The following FMN2 variants were observed in gnomAD, a reference collection of about 807,000 sequenced individuals.
FMN2 encodes the protein formin-2.
FMN2 carries 51 observed loss-of-function variants against 142.3 expected under a neutral mutation model. That is an observed-to-expected ratio of 0.36 (90% CI 0.29 to 0.45). The LOEUF is 0.45. Ranked by LOEUF, FMN2 falls within the 20% of genes least tolerant of loss-of-function variation. The probability of loss-of-function intolerance (pLI) is 1.00; values close to 1 mark genes in which losing one functional copy is unlikely to be tolerated. For missense variants in FMN2, 1,936 were observed against 2,122.8 expected (o/e 0.91, Z 1.73); for synonymous variants, 882 against 869.8 (o/e 1.01, Z -0.25).
At chr1:240,252,541 G>T (rs1355118902) in intron 6 of FMN2, among the ~76,000 whole-genome samples, 3 of 135,050 alleles carry the variant, frequency 2.2e-5, no homozygotes, top group African/African-American at 5.5e-5. Flanking sequence ...AGTATCTTGG[G>T]CTGGCAGTTT....
chr1:240,359,432 T>C (rs1469502425), intron 14 of FMN2, among the ~76,000 whole-genome samples: 1 of 152,210 alleles, frequency 6.6e-6, no homozygotes, highest in African/African-American at 2.4e-5. Context: ...CAAGAAGCTA[T>C]GCCCAACACT....
intron 6 of FMN2, among the ~76,000 whole-genome samples, chr1:240,227,441 A>G (rs1217469658): frequency 2.6e-5 from 4 of 152,150 alleles, no homozygotes; most frequent in African/African-American, 9.7e-5. Context: ...TTTTTTTAGC[A>G]AAATAGACAA....
chr1:240,132,219 T>C (rs933108714), intron 2 of FMN2, among the ~76,000 whole-genome samples: 10 of 152,188 alleles, frequency 6.6e-5, no homozygotes, highest in African/African-American at 2.4e-4. Flanking sequence ...TTTGTGATTA[T>C]TTGGGACTTT....
At chr1:240,147,742 A>G (rs1417379757) in intron 2 of FMN2, among the ~76,000 whole-genome samples, 1 of 152,196 alleles carries the variant, frequency 6.6e-6, no homozygotes, top group Non-Finnish European at 1.5e-5. Context: ...TTTATGACCT[A>G]CAGGGACCTC....
At chr1:240,177,523 C>T (rs1037847029) in intron 2 of FMN2, among the ~76,000 whole-genome samples, 4 of 152,238 alleles carry the variant, frequency 2.6e-5, no homozygotes, top group South Asian at 2.1e-4. Context: ...TGTCCTTTGA[C>T]ATTCCCACAA....
At chr1:240,379,733 C>A (rs1405917991) in intron 14 of FMN2, among the ~76,000 whole-genome samples, 2 of 151,972 alleles carry the variant, frequency 1.3e-5, no homozygotes, top group Admixed American at 6.6e-5. Context: ...TGGTTCTTTT[C>A]AATTAAGTCC....
intron 8 of FMN2, among the ~76,000 whole-genome samples, chr1:240,297,990 G>GCT (rs1461347897): frequency 2.0e-5 from 3 of 152,092 alleles, no homozygotes; most frequent in African/African-American, 7.2e-5. Context: ...ATTCAAGAGG[G>GCT]CTCTGCTCTC....
rs142945145 is a variant in FMN2, at chr1:240,239,747, G to A, written c.4066-18198G>A. Among the ~76,000 whole-genome samples, 62 of 152,326 alleles carry A rather than the reference G, an allele frequency of 4.1e-4. 1 individual carries two copies. Among genetic ancestry groups the A allele is most frequent in the African/African-American group, 1.2e-3 (49 of 41,564 alleles). ...CATTGGCCAAAGAGCAGGAAGTGAAGCAAAACGCCTGAATACCGAATGACC... is the reference window on the plus strand; with the variant it reads ...CATTGGCCAAAGAGCAGGAAGTGAAACAAAACGCCTGAATACCGAATGACC... On this transcript the variant is annotated intron_variant, in intron 6 of 17. Coordinates refer to ENST00000319653, the MANE Select transcript of FMN2 (RefSeq NM_020066.5).
rs149592755 is a variant in FMN2 at position 240,116,040 on chromosome 1, C to T, written c.1616-7139C>T. Among the ~76,000 whole-genome samples, 575 of 152,324 alleles carry T rather than the reference C, an allele frequency of 3.8e-3. 17 individuals carry two copies. The highest frequency in any genetic ancestry group is 0.031 in the Admixed American group (468 of 15,294). On this transcript the variant is annotated intron_variant, in intron 1 of 17. Coordinates refer to ENST00000319653, the MANE Select transcript of FMN2 (RefSeq NM_020066.5). ...CCTGGCGCTGGCGGGTCCATGCTAA[C>T]GATTCCTTTAGTATGCTAATGATTA... is the stretch of plus-strand genomic sequence containing the variant.
intron 1 of FMN2, among the ~76,000 whole-genome samples, chr1:240,094,738 G>A (rs1386922585): frequency 6.6e-6 from 1 of 152,010 alleles, no homozygotes; most frequent in African/African-American, 2.4e-5. Context: ...AATATTTGAA[G>A]GATTAAACAT....
At chr1:240,417,006 T>C (rs1207217955) in intron 15 of FMN2, among the ~76,000 whole-genome samples, 5 of 151,880 alleles carry the variant, frequency 3.3e-5, no homozygotes, top group Admixed American at 3.3e-4. Flanking sequence ...AGTTATAACT[T>C]TGTTATTTTC....
At chr1:240,227,508 A>G (rs1274756453) in intron 6 of FMN2, among the ~76,000 whole-genome samples, 1 of 152,216 alleles carries the variant, frequency 6.6e-6, no homozygotes, top group Non-Finnish European at 1.5e-5. Context: ...AAAACAATCT[A>G]GCAAAAGAAC....
intron 7 of FMN2, among the ~76,000 whole-genome samples, chr1:240,266,152 G>A (rs1668794104): frequency 6.8e-6 from 1 of 148,076 alleles, no homozygotes; most frequent in Non-Finnish European, 1.5e-5. Flanking sequence ...ACTAAGAAGA[G>A]TACTCAATAG....
chr1:240,432,782 G>C (rs1675219878), intron 15 of FMN2, among the ~76,000 whole-genome samples: 1 of 151,868 alleles, frequency 6.6e-6, no homozygotes, highest in Non-Finnish European at 1.5e-5. Flanking sequence ...TTGCCAAATT[G>C]GATGTTACCT....
chr1:240,137,834 G>C (rs1306877107), intron 2 of FMN2, among the ~76,000 whole-genome samples: 1 of 152,108 alleles, frequency 6.6e-6, no homozygotes, highest in African/African-American at 2.4e-5. Flanking sequence ...GCTCACACCT[G>C]TAATCCCAAC....
At chr1:240,361,094 C>T (rs1271684128) in intron 14 of FMN2, among the ~76,000 whole-genome samples, 4 of 144,850 alleles carry the variant, frequency 2.8e-5, no homozygotes, top group Non-Finnish European at 6.0e-5. Context: ...ACATTGTGCA[C>T]ATGTACCCTA....
chr1:240,131,143 A>T (rs1477760918), intron 2 of FMN2, among the ~76,000 whole-genome samples: 1 of 152,200 alleles, frequency 6.6e-6, no homozygotes, highest in Admixed American at 6.5e-5. Flanking sequence ...CTTCTTGGGT[A>T]AAATGAGGAA....
intron 16 of FMN2, among the ~76,000 whole-genome samples, chr1:240,446,583 G>A (rs909390369): frequency 3.3e-5 from 5 of 152,092 alleles, no homozygotes; most frequent in South Asian, 4.1e-4. Context: ...TATGTGGGCC[G>A]AAAACAAGAT....
intron 16 of FMN2, among the ~76,000 whole-genome samples, chr1:240,461,164 G>T (rs999650795): frequency 6.6e-6 from 1 of 152,206 alleles, no homozygotes; most frequent in Non-Finnish European, 1.5e-5. Flanking sequence ...AGAGAAAATA[G>T]TGCAATGATG....
Sources: allele counts gnomAD v4.1 joint callset (sites outside exome capture counted in the v4.1 genomes callset), GRCh38; gene constraint gnomAD v4.1.1; transcripts MANE v1.5; gene names NCBI Gene and HGNC (gene_info 2026-07-23, HGNC 2026-07-21).